DIRAS1: variants seen among roughly 807,000 people sequenced by gnomAD.
DIRAS1 encodes the protein DIRAS family GTPase 1, also known as GTP-binding protein Di-Ras1.
Under a neutral mutation model 11.5 loss-of-function variants are expected in DIRAS1, and 3 were observed. That is an observed-to-expected ratio of 0.26 (90% CI 0.12 to 0.67). The LOEUF (loss-of-function observed/expected upper bound fraction) is 0.67, where lower values mean the gene tolerates loss of function less well. DIRAS1 is among the 30% of genes least tolerant of loss of function. DIRAS1 has a pLI of 0.80. For synonymous variants in DIRAS1, 128 were observed against 125.8 expected, an observed-to-expected ratio of 1.02 and a Z score of -0.12; for missense variants, 212 against 285.3, an observed-to-expected ratio of 0.74 and a Z score of 1.85.
rs1281052495 is a variant in DIRAS1 at position 2,718,981 on chromosome 19, C to T, written c.-69-1106G>A. On this transcript the variant is annotated intron_variant, in intron 1 of 1. Transcript: ENST00000323469. The surrounding 1 kb of genome is among the most constrained non-coding windows in gnomAD (Gnocchi z 4.2). Reference sequence around the variant, plus strand: ...GATTACAGGCATGCACCACCACACCCGGCTAATTTTTGTATTTTCAGTAGA... The same window carrying T: ...GATTACAGGCATGCACCACCACACCTGGCTAATTTTTGTATTTTCAGTAGA... 6.6e-6 allele frequency among the ~76,000 whole-genome samples: 1 copy of T among 151,998 alleles called. No individual in the cohort carries two copies.
rs372131371 is a variant in DIRAS1 at position 2,718,311 on chromosome 19, T to C, written c.-69-436A>G. Among the ~76,000 whole-genome samples the C allele has an allele frequency of 6.6e-6, 1 of 152,304 alleles. No individual in the cohort carries two copies. The highest frequency in any genetic ancestry group is 2.4e-5 in the African/African-American group (1 of 41,580). On this transcript the variant is annotated intron_variant, in intron 1 of 1. Transcript: ENST00000323469. This position sits in a 1 kb window ranked among gnomAD's most constrained non-coding sequence, Gnocchi z 4.2. Reference sequence around the variant, plus strand: ...GCTCTGAGACCTTGCCGAGCCATCATGCCACCCTGAGCCTGTTTGGTGGCT... The same window carrying C: ...GCTCTGAGACCTTGCCGAGCCATCACGCCACCCTGAGCCTGTTTGGTGGCT...
At position 2,717,495 on chromosome 19, in the gene DIRAS1, G is replaced by A. The variant is rs1400116859; in HGVS notation, c.312C>T (p.Ile104=). The A allele has an allele frequency of 1.2e-6, 2 of 1,612,686 alleles. No homozygotes were observed. Among genetic ancestry groups the A allele is most frequent in the African/African-American group, 1.3e-5 (1 of 75,058 alleles). The change falls in exon 2 of 2, where the codon ATC becomes ATT. Residue 104 remains isoleucine, a synonymous_variant. Coordinates refer to ENST00000323469, the MANE Select transcript of DIRAS1 (RefSeq NM_145173.4). ...LEELGPIYKL[I]VQIKGSVEDI... ...CCTCCACGCTGCCCTTGATCTGCACGATGAGCTTGTAGATGGGCCCCAGCT... is the reference window on the plus strand; with the variant it reads ...CCTCCACGCTGCCCTTGATCTGCACAATGAGCTTGTAGATGGGCCCCAGCT...
In DIRAS1 at chr19:2,717,864, C is replaced by A. The variant is rs760887312; in HGVS notation, c.-58G>T. ...GAGGGCTGGTGCCAGCTGCAAGAAC[C>A]CCAGACCGAGCCTGTGCAGAGAGGA... On this transcript the variant is annotated 5_prime_UTR_variant, in exon 2 of 2. Transcript: ENST00000323469. The A allele has an allele frequency of 4.0e-6, 6 of 1,506,442 alleles. No homozygotes were observed. In the African/African-American group the frequency reaches 8.2e-5, roughly 21 times the overall value. The allele number at this position is 1,506,442 out of a possible 1,614,324, so 93.3% of individuals were successfully genotyped here. A position where few individuals can be genotyped will look rare whatever the true frequency, so the allele number is the denominator to read the frequency against.
chr19:2,717,919 G>A, intron 1 of DIRAS1, 44 bp from the exon 2 acceptor site: 1 of 1,150,660 alleles, frequency 8.7e-7, no homozygotes, highest in Non-Finnish European at 1.2e-6. Context: ...ACCCAGGCTT[G>A]AGGGGACAGC....
Position 2,717,763 on chromosome 19 carries a change from G to T in DIRAS1, c.44C>A (p.Ala15Glu). ...CAGCGAGCTCTTGCCCACGCCGCCCGCCCCGAACACCACCACGCGGTAATC... is the reference window on the plus strand; with the variant it reads ...CAGCGAGCTCTTGCCCACGCCGCCCTCCCCGAACACCACCACGCGGTAATC... ...SNDYRVVVFG[A>E]GGVGKSSLVL... Residue 15 changes from alanine to glutamate, a missense_variant, in exon 2 of 2, where the codon GCG becomes GAG. Around this residue, in one of 2 missense-constraint regions of DIRAS1, gnomAD observed 128 missense variants for 205.3 expected, o/e 0.62. Coordinates refer to ENST00000323469, the MANE Select transcript of DIRAS1 (RefSeq NM_145173.4). 6.2e-7 allele frequency: 1 copy of T among 1,602,612 alleles called. No individual in the cohort carries two copies.
chr19:2,716,850 G>A lies in DIRAS1; in HGVS notation c.*360C>T, dbSNP rs1295991442. On this transcript the variant is annotated 3_prime_UTR_variant, in exon 2 of 2. Transcript: ENST00000323469. ...GCAGGTCTGGCTGGGGACACCCCAG[G>A]GAAAGAGATGGAAACGGGGAAACGC... 7.5e-6 allele frequency: 2 copies of A among 267,040 alleles called. No homozygotes were observed. Among genetic ancestry groups the A allele is most frequent in the Non-Finnish European group, 1.4e-5 (2 of 140,996 alleles). The allele number at this position is 267,040 out of a possible 1,614,324, so 16.5% of individuals were successfully genotyped here.
intron 1 of DIRAS1, among the ~76,000 whole-genome samples, chr19:2,719,369 A>G (rs6510698): frequency 1.3e-5 from 2 of 151,864 alleles, no homozygotes; most frequent in East Asian, 3.9e-4. Context: ...TCAGGTCTGA[A>G]GGATCCTTAG....
At chr19:2,720,087 C>T (rs1913919447) in intron 1 of DIRAS1, among the ~76,000 whole-genome samples, 1 of 151,812 alleles carries the variant, frequency 6.6e-6, no homozygotes, top group African/African-American at 2.4e-5. Flanking sequence ...GGTTTGTGGA[C>T]TACATGCATA....
intron 1 of DIRAS1, among the ~76,000 whole-genome samples, chr19:2,720,657 G>A (rs1404202902): frequency 6.6e-6 from 1 of 152,146 alleles, no homozygotes; most frequent in Admixed American, 6.5e-5. Flanking sequence ...GCACGGCGTG[G>A]TTGGTGGGGG....
rs369177979 is a variant in DIRAS1 at position 2,718,475 on chromosome 19, G to A, written c.-69-600C>T. 3.3e-5 allele frequency among the ~76,000 whole-genome samples: 5 copies of A among 152,294 alleles called. No individual in the cohort carries two copies. In the East Asian group the frequency reaches 5.8e-4, roughly 18 times the overall value. On this transcript the variant is annotated intron_variant, in intron 1 of 1. Transcript: ENST00000323469. The surrounding 1 kb of genome is among the most constrained non-coding windows in gnomAD (Gnocchi z 4.2). ...GCCGCAGCCCTAGGTGTGATGAATC[G>A]GTCGGCCAGGGCAACGGCCCTGGGA... is the stretch of plus-strand genomic sequence containing the variant.
In DIRAS1 at chr19:2,717,244, G is replaced by A. The variant is rs1257655694; in HGVS notation, c.563C>T (p.Thr188Ile). The change falls in exon 2 of 2, where the codon ACA becomes ATA. Residue 188 changes from threonine to isoleucine, a missense_variant. By Grantham distance (89) the Thr-to-Ile change is moderately conservative (BLOSUM62 -1). Transcript: ENST00000323469. ...DGKRSGKQKR[T>I]DRVKGKCTLM is the part of the protein sequence containing the mutation. ...GGTGCATTTGCCCTTGACGCGGTCT[G>A]TCCTCTTCTGCTTCCCGGAGCGCTT... 2 of 1,608,414 alleles carry A rather than the reference G, an allele frequency of 1.2e-6. No homozygotes were observed. Among genetic ancestry groups the A allele is most frequent in the African/African-American group, 1.3e-5 (1 of 74,816 alleles).
In DIRAS1 at chr19:2,716,982, G is replaced by A; in HGVS notation, c.*228C>T. ...CCACCTCCGGCTCTTGGTTTTGGAG[G>A]GTACAGACAGAACAGGAGGGTGGAG... On this transcript the variant is annotated 3_prime_UTR_variant, in exon 2 of 2. Coordinates refer to ENST00000323469, the MANE Select transcript of DIRAS1 (RefSeq NM_145173.4). The A allele has an allele frequency of 1.8e-6, 1 of 546,744 alleles. No homozygotes were observed. Among genetic ancestry groups the A allele is most frequent in the Non-Finnish European group, 3.2e-6 (1 of 310,600 alleles). The allele number at this position is 546,744 out of a possible 1,614,324, so 33.9% of individuals were successfully genotyped here.
chr19:2,719,819 A>G (rs1340670511), intron 1 of DIRAS1, among the ~76,000 whole-genome samples: 1 of 152,172 alleles, frequency 6.6e-6, no homozygotes, highest in Non-Finnish European at 1.5e-5. Context: ...AGGTGGAGAA[A>G]GGCCCTAGGC....
In DIRAS1 at chr19:2,717,581, T is replaced by C. The variant is rs941766017; in HGVS notation, c.226A>G (p.Ile76Val). Residue 76 changes from isoleucine (I) to valine (V), a missense_variant, in exon 2 of 2, where the codon ATC becomes GTC. This residue lies in a region of DIRAS1 where 128 missense variants were observed against 205.3 expected (regional missense o/e 0.62). Coordinates refer to ENST00000323469, the MANE Select transcript of DIRAS1 (RefSeq NM_145173.4). ...AGGATGAAGGCGTGGCCCTTGGAGA[T>C]GGACAGGCGCTGCATGGCCGGGAAC... ...HQFPAMQRLSISKGHAFILVF... is the reference protein window; with the variant it reads ...HQFPAMQRLSVSKGHAFILVF... 1 of 1,613,120 alleles carries C rather than the reference T, an allele frequency of 6.2e-7. No homozygotes were observed. Among genetic ancestry groups the C allele is most frequent in the Non-Finnish European group, 8.5e-7 (1 of 1,179,634 alleles).
At position 2,719,754 on chromosome 19, in the gene DIRAS1, C is replaced by T. The variant is rs10423839; in HGVS notation, c.-70+1550G>A. Among the ~76,000 whole-genome samples the T allele has an allele frequency of 7.2e-3, 1,096 of 152,240 alleles. 10 individuals carry two copies. Among genetic ancestry groups the T allele is most frequent in the African/African-American group, 0.024 (1,013 of 41,546 alleles). ...AAACAGGCAAATTCAAGTCCCTAAGCCTCCGTTTTCTCTTCTGTGAAATGC... is the reference window on the plus strand; with the variant it reads ...AAACAGGCAAATTCAAGTCCCTAAGTCTCCGTTTTCTCTTCTGTGAAATGC... On this transcript the variant is annotated intron_variant, in intron 1 of 1. Coordinates refer to ENST00000323469, the MANE Select transcript of DIRAS1 (RefSeq NM_145173.4).
chr19:2,717,394 A>C lies in DIRAS1; in HGVS notation c.413T>G (p.Val138Gly). The C allele has an allele frequency of 6.2e-7, 1 of 1,607,828 alleles. No individual in the cohort carries two copies. Among genetic ancestry groups the C allele is most frequent in the Non-Finnish European group, 8.5e-7 (1 of 1,179,948 alleles). The change falls in exon 2 of 2, where the codon GTG becomes GGG. Residue 138 changes from valine (V) to glycine (G), a missense_variant. Physicochemically the swap from Val to Gly is moderately radical, Grantham distance 109. This residue lies in a region of DIRAS1 where 128 missense variants were observed against 205.3 expected (regional missense o/e 0.62). Transcript: ENST00000323469. ...GAAAGCGCACTTCCACTCCTGGGCC[A>C]CCGCCTGCGCCTCGCGCGTGTCCAC... ...REVDTREAQA[V>G]AQEWKCAFME...
chr19:2,715,980 A>T lies in DIRAS1; in HGVS notation c.*1230T>A, dbSNP rs1005026184. 4 of 152,302 alleles carry T rather than the reference A, an allele frequency of 2.6e-5. No individual in the cohort carries two copies. The highest frequency in any genetic ancestry group is 4.4e-5 in the Non-Finnish European group (3 of 68,100). 9.4% of individuals were successfully genotyped at this position (152,302 alleles called of 1,614,324 possible). ...CCCTACACCACTATTACACACACAG[A>T]CTGCCACAAAAACATATCATCCCAG... is the stretch of plus-strand genomic sequence containing the variant. On this transcript the variant is annotated 3_prime_UTR_variant, in exon 2 of 2. Coordinates refer to ENST00000323469, the MANE Select transcript of DIRAS1 (RefSeq NM_145173.4).
intron 1 of DIRAS1, chr19:2,719,211 ACT>A (rs1386609304): frequency 6.6e-6 from 1 of 152,208 alleles, no homozygotes; most frequent in Non-Finnish European, 1.5e-5. Flanking sequence ...AAATCAGGGC[ACT>A]GATTCCCAAT....
At chr19:2,721,026 G>T (rs1386392628) in intron 1 of DIRAS1, among the ~76,000 whole-genome samples, 3 of 150,338 alleles carry the variant, frequency 2.0e-5, no homozygotes, top group African/African-American at 7.3e-5. Context: ...GGAGAGGGGC[G>T]GCGGGGTGGG....
Sources: allele counts gnomAD v4.1 joint callset (sites outside exome capture counted in the v4.1 genomes callset), GRCh38; gene constraint gnomAD v4.1.1; regional missense constraint gnomAD v4.1.1; non-coding constraint Gnocchi (gnomAD v3.1); transcripts MANE v1.5; gene names NCBI Gene and HGNC (gene_info 2026-07-23, HGNC 2026-07-21).